DRG1: variants seen among roughly 807,000 people sequenced by gnomAD.
DRG1 encodes the protein developmentally regulated GTP binding protein 1.
DRG1 carries 19 observed loss-of-function variants against 38.8 expected under a neutral mutation model. The observed-to-expected ratio is 0.49, with a 90% CI of 0.34 to 0.72. The LOEUF (loss-of-function observed/expected upper bound fraction) is 0.72, where lower values mean the gene tolerates loss of function less well. Ranked by LOEUF, DRG1 falls within the 30% of genes least tolerant of loss-of-function variation. The probability of loss-of-function intolerance (pLI) is 0.01; values close to 1 mark genes in which losing one functional copy is unlikely to be tolerated. For synonymous variants in DRG1, 167 were observed against 157.5 expected (o/e 1.06, Z -0.45); for missense variants, 299 against 444.8 (o/e 0.67, Z 2.95).
intron 4 of DRG1, among the ~76,000 whole-genome samples, chr22:31,411,823 G>A (rs1444980166): frequency 3.3e-5 from 5 of 151,560 alleles, no homozygotes; most frequent in Admixed American, 2.0e-4. Context: ...TTTTACCCTT[G>A]TACTGGAGTC....
At position 31,427,172 on chromosome 22, in the gene DRG1, G is replaced by C; in HGVS notation, c.994G>C (p.Glu332Gln). 1.2e-6 allele frequency: 2 copies of C among 1,613,958 alleles called. No individual in the cohort carries two copies. The highest frequency in any genetic ancestry group is 1.7e-5 in the Admixed American group (1 of 60,008). ...CMKIHKNLIK[E>Q]FKYALVWGLS... is the part of the protein sequence containing the mutation. ...GAAGATTCACAAAAATCTTATCAAA[G>C]AATTTAAATAGTAAGTATCATGGGC... is the stretch of plus-strand genomic sequence containing the variant. Residue 332 changes from glutamate to glutamine, a missense_variant, in exon 8 of 9, where the codon GAA becomes CAA. This residue lies in a region of DRG1 where 198 missense variants were observed against 268.1 expected (regional missense o/e 0.74). Transcript: ENST00000331457.
chr22:31,424,255 G>A (rs938802504), intron 6 of DRG1, among the ~76,000 whole-genome samples: 15 of 151,712 alleles, frequency 9.9e-5, no homozygotes, highest in African/African-American at 3.4e-4. Flanking sequence ...AGGTTCAAGC[G>A]ATTCTGCTGC....
chr22:31,404,247 T>TC (rs1310279082), intron 3 of DRG1, among the ~76,000 whole-genome samples: 1 of 150,246 alleles, frequency 6.7e-6, no homozygotes, highest in Admixed American at 6.6e-5. Context: ...TCCTTAATCT[T>TC]CTTTTTTTTT....
At chr22:31,411,740 G>A (rs1205278403) in intron 4 of DRG1, among the ~76,000 whole-genome samples, 2 of 151,336 alleles carry the variant, frequency 1.3e-5, no homozygotes, top group Non-Finnish European at 2.9e-5. Flanking sequence ...ATGTTACCCA[G>A]GCTGAAGCTC....
chr22:31,433,906 C>A lies in DRG1; in HGVS notation c.1039C>A (p.Pro347Thr), dbSNP rs1304122981. 1 of 1,614,028 alleles carries A rather than the reference C, an allele frequency of 6.2e-7. No homozygotes were observed. The highest frequency in any genetic ancestry group is 1.3e-5 in the African/African-American group (1 of 74,932). Residue 347 changes from proline (P) to threonine (T), a missense_variant, in exon 9 of 9, where the codon CCT (proline) becomes ACT (threonine). Physicochemically the swap from Pro to Thr is conservative, Grantham distance 38. Transcript: ENST00000331457. ...LVWGLSVKHNPQKVGKDHTLE... is the reference protein window; with the variant it reads ...LVWGLSVKHNTQKVGKDHTLE... ...CTGGGGTCTCTCTGTGAAACACAAT[C>A]CTCAGAAAGTGGGTAAAGACCATAC...
intron 4 of DRG1, among the ~76,000 whole-genome samples, chr22:31,419,066 C>T (rs987601804): frequency 2.0e-5 from 3 of 152,168 alleles, no homozygotes; most frequent in Admixed American, 1.3e-4. Flanking sequence ...CTTCTCGCTT[C>T]AGCCTCCCAA....
intron 8 of DRG1, among the ~76,000 whole-genome samples, chr22:31,428,982 T>C (rs2050125436): frequency 6.6e-6 from 1 of 152,176 alleles, no homozygotes; most frequent in African/African-American, 2.4e-5. Flanking sequence ...CTTGGTTAAG[T>C]TGGTGTAGGG....
At chr22:31,410,585 C>A (rs769224568) in intron 3 of DRG1, among the ~76,000 whole-genome samples, 3 of 151,912 alleles carry the variant, frequency 2.0e-5, no homozygotes, top group Non-Finnish European at 2.9e-5. Flanking sequence ...AGGCTGATGC[C>A]GGTGGATCCC....
chr22:31,432,512 G>A (rs992725898), intron 8 of DRG1, among the ~76,000 whole-genome samples: 31 of 150,946 alleles, frequency 2.1e-4, no homozygotes, highest in African/African-American at 6.1e-4. Flanking sequence ...TGCAACCTCC[G>A]CCTCCCAGGT....
chr22:31,426,458 A>ACTTTTT (rs774846361), intron 6 of DRG1, 157 bp from the exon 7 acceptor site: 7 of 620,104 alleles, frequency 1.1e-5, no homozygotes, highest in African/African-American at 9.2e-5. Flanking sequence ...CCCATAGTTC[A>ACTTTTT]CTTTTTCTTT....
chr22:31,433,835 T>G (rs2050156334), intron 8 of DRG1, 37 bp from the exon 9 acceptor site: 1 of 1,594,684 alleles, frequency 6.3e-7, no homozygotes, highest in Admixed American at 1.7e-5. Context: ...AGCTAGGTTA[T>G]TATTTACACT....
In DRG1 at chr22:31,399,611, CCT is replaced by C. The variant is rs2049948682; in HGVS notation, c.-72_-71del. 7 of 1,603,718 alleles carry C rather than the reference CCT, an allele frequency of 4.4e-6. No individual in the cohort carries two copies. Among genetic ancestry groups the C allele is most frequent in the Non-Finnish European group, 6.0e-6 (7 of 1,170,490 alleles). On this transcript the variant is annotated 5_prime_UTR_variant, in exon 1 of 9. Transcript: ENST00000331457. ...ACCGCGCCTGCGTGCTGCAGTAGCG[CCT>C]GGTGGCGGTGGCAGTTTGCCCGCGG...
chr22:31,400,193 G>A (rs2049953144), intron 1 of DRG1, among the ~76,000 whole-genome samples: 1 of 151,886 alleles, frequency 6.6e-6, no homozygotes, highest in Non-Finnish European at 1.5e-5. Flanking sequence ...CTGATTCAGA[G>A]TATTTGCTCC....
chr22:31,422,077 C>T (rs780250133), intron 5 of DRG1, among the ~76,000 whole-genome samples: 1 of 150,950 alleles, frequency 6.6e-6, no homozygotes, highest in Non-Finnish European at 1.5e-5. Flanking sequence ...CGCCACTGCA[C>T]TCCAGCCTGG....
At chr22:31,426,873 C>T (rs1051851675) in intron 7 of DRG1, 91 bp downstream of exon 7, 12 of 1,526,406 alleles carry the variant, frequency 7.9e-6, no homozygotes, top group Non-Finnish European at 1.1e-5. Context: ...CAAAATCTGG[C>T]TCTTTTTGAA....
chr22:31,411,533 T>TC (rs1218683072), intron 4 of DRG1, among the ~76,000 whole-genome samples: 1 of 149,474 alleles, frequency 6.7e-6, no homozygotes, highest in Non-Finnish European at 1.5e-5. Flanking sequence ...GTCTTTTCTT[T>TC]TTTTTTTTTT....
intron 4 of DRG1, among the ~76,000 whole-genome samples, chr22:31,415,183 A>G (rs1224020769): frequency 6.6e-6 from 1 of 152,156 alleles, no homozygotes; most frequent in African/African-American, 2.4e-5. Flanking sequence ...GTCTAATATG[A>G]TATCTACTAG....
At position 31,433,988 on chromosome 22, in the gene DRG1, C is replaced by T. The variant is rs772605980; in HGVS notation, c.*17C>T. 15 of 1,610,062 alleles carry T rather than the reference C, an allele frequency of 9.3e-6. No individual in the cohort carries two copies. Among genetic ancestry groups the T allele is most frequent in the Non-Finnish European group, 1.3e-5 (15 of 1,176,914 alleles). ...AAGAAGTGAAACCTTTCCCTTTTCC[C>T]ATCTGCCGGACGAACCACAACAGCG... On this transcript the variant is annotated 3_prime_UTR_variant, in exon 9 of 9. Transcript: ENST00000331457.
intron 4 of DRG1, among the ~76,000 whole-genome samples, chr22:31,412,977 T>A (rs1174492737): frequency 6.6e-6 from 1 of 152,102 alleles, no homozygotes; most frequent in Non-Finnish European, 1.5e-5. Flanking sequence ...TGATGACTCA[T>A]ATCTTTCATT....
Sources: gnomAD v4.1 joint callset for allele counts (sites outside exome capture counted in the v4.1 genomes callset) on GRCh38, gnomAD v4.1.1 for gene constraint, gnomAD v4.1.1 regional missense constraint, MANE v1.5 for transcripts, NCBI Gene and HGNC (gene_info 2026-07-23, HGNC 2026-07-21) for gene names.